The following GLIS3 variants were observed in gnomAD, a reference collection of about 807,000 sequenced individuals.
The protein encoded by GLIS3 is GLIS family zinc finger 3, also known as zinc finger protein GLIS3.
In GLIS3, 53 loss-of-function variants were observed where a neutral mutation model predicts 78.6. The ratio of observed to expected loss-of-function variants is 0.67; its 90% CI spans 0.54 to 0.85. The LOEUF is 0.85. Ranked by LOEUF, GLIS3 falls within the 40% of genes least tolerant of loss-of-function variation. The pLI is 0.00. For missense variants in GLIS3, 1,703 were observed against 1,231.1 expected, an observed-to-expected ratio of 1.38 and a Z score of -5.74; for synonymous variants, 684 against 509.9, an observed-to-expected ratio of 1.34 and a Z score of -4.60.
At chr9:4,353,021 G>C (rs541562722), upstream of GLIS3, among the ~76,000 whole-genome samples, 7 of 152,260 alleles carry the variant, frequency 4.6e-5, no homozygotes, top group South Asian at 1.5e-3. Context: ...GGTTTGGTTA[G>C]GAGATCAGTC....
At position 3,941,228 on chromosome 9, in the gene GLIS3, G is replaced by C. The variant is rs111553628; in HGVS notation, c.1711-4039C>G. Among the ~76,000 whole-genome samples, 760 of 152,226 alleles carry C rather than the reference G, an allele frequency of 5.0e-3. 7 individuals are homozygous for C. Among genetic ancestry groups the C allele is most frequent in the African/African-American group, 0.018 (734 of 41,538 alleles). On this transcript the variant is annotated intron_variant, in intron 4 of 10. Coordinates refer to ENST00000381971, the MANE Select transcript of GLIS3 (RefSeq NM_001042413.2). ...ATCTACCCATTTCTAATTCAGACAA[G>C]GGTCACATGGACTAGCAACCATCCT...
In GLIS3 at chr9:4,081,879, G is replaced by C. The variant is rs565288157; in HGVS notation, c.1710+35889C>G. Reference sequence around the variant, plus strand: ...CTAATGGTAAATTGTTCTCCTTTTTGTATTCTCAAACTTGAAAATGAAGGC... The same window carrying C: ...CTAATGGTAAATTGTTCTCCTTTTTCTATTCTCAAACTTGAAAATGAAGGC... On this transcript the variant is annotated intron_variant, in intron 4 of 10. Coordinates refer to ENST00000381971, the MANE Select transcript of GLIS3 (RefSeq NM_001042413.2). Among the ~76,000 whole-genome samples, 12 of 152,162 alleles carry C rather than the reference G, an allele frequency of 7.9e-5. No individual in the cohort carries two copies. The East Asian group carries it at 9.6e-4, about 12-fold the overall frequency.
At chr9:4,480,197 TTTC>T in the GLIS3 span, among the ~76,000 whole-genome samples, 16 of 136,892 alleles carry the variant, frequency 1.2e-4, no homozygotes, top group African/African-American at 5.1e-4. Flanking sequence ...CAGGCTGGGC[TTTC>T]TTTTTTTTTT....
chr9:4,172,115 C>T (rs1455600429), intron 2 of GLIS3, among the ~76,000 whole-genome samples: 1 of 152,086 alleles, frequency 6.6e-6, no homozygotes, highest in African/African-American at 2.4e-5. Flanking sequence ...AGCTCTGCCT[C>T]CAAATGCTAA....
intron 4 of GLIS3, among the ~76,000 whole-genome samples, chr9:3,950,642 T>C (rs190413844): frequency 5.4e-4 from 83 of 152,372 alleles, no homozygotes; most frequent in Non-Finnish European, 8.8e-4. Flanking sequence ...AGAAAAGCAT[T>C]CTCTGTCCCA....
At chr9:4,134,425 A>T (rs898389307) in intron 2 of GLIS3, among the ~76,000 whole-genome samples, 3 of 152,180 alleles carry the variant, frequency 2.0e-5, no homozygotes, top group Non-Finnish European at 4.4e-5. Flanking sequence ...TGCATGGGAA[A>T]TGGTGGCTGG....
At position 3,836,374 on chromosome 9, in the gene GLIS3, A is replaced by C. The variant is rs371876085; in HGVS notation, c.2474-6882T>G. On this transcript the variant is annotated intron_variant, in intron 9 of 10. Coordinates refer to ENST00000381971, the MANE Select transcript of GLIS3 (RefSeq NM_001042413.2). The stretch of plus-strand genomic sequence containing the variant: ...CTATAATTTTGTGGGTTACTACTTT[A>C]GGAAGTGTAGCGATTTTGGCCCCAG... Among the ~76,000 whole-genome samples, 6 of 152,348 alleles carry C rather than the reference A, an allele frequency of 3.9e-5. No individual in the cohort carries two copies. The South Asian group carries it at 6.2e-4, about 16-fold the overall frequency.
chr9:4,163,733 T>G (rs1835680484), intron 2 of GLIS3, among the ~76,000 whole-genome samples: 1 of 152,250 alleles, frequency 6.6e-6, no homozygotes, highest in Admixed American at 6.5e-5. Flanking sequence ...TAGTATTTAG[T>G]ATCTCACAGG....
At chr9:4,265,346 C>T (rs1350688511) in intron 2 of GLIS3, among the ~76,000 whole-genome samples, 3 of 150,134 alleles carry the variant, frequency 2.0e-5, no homozygotes, top group East Asian at 1.9e-4. Context: ...CATAATGTAT[C>T]GCCTTATTTA....
intron 2 of GLIS3, among the ~76,000 whole-genome samples, chr9:4,190,424 G>A (rs553484030): frequency 1.3e-5 from 2 of 150,392 alleles, no homozygotes; most frequent in South Asian, 2.2e-4. Context: ...CTGGAAGAAA[G>A]GGTATCAGTG....
In GLIS3 at chr9:4,125,826, T is replaced by C; in HGVS notation, c.504A>G (p.Ala168=). The change falls in exon 3 of 11, where the codon GCA becomes GCG. Residue 168 remains alanine, a synonymous_variant. Transcript: ENST00000381971. ...GGTTGCATGCTGTAGAGACCTGGCT[T>C]GCTGGAGGTGAAATGAGTCCCAGTC... The part of the protein sequence containing the change: ...VQRLGLISPP[A]SQVSTACNQI... 1 of 1,614,116 alleles carries C rather than the reference T, an allele frequency of 6.2e-7. No individual in the cohort carries two copies. The highest frequency in any genetic ancestry group is 1.1e-5 in the South Asian group (1 of 91,074).
At chr9:3,848,121 C>T (rs943343827) in intron 9 of GLIS3, among the ~76,000 whole-genome samples, 2 of 152,186 alleles carry the variant, frequency 1.3e-5, no homozygotes, top group Admixed American at 6.5e-5. Context: ...TCTTGACTTA[C>T]TGCTTTATTA....
chr9:4,359,573 C>G, the GLIS3 span, among the ~76,000 whole-genome samples: 1 of 152,140 alleles, frequency 6.6e-6, no homozygotes, highest in Non-Finnish European at 1.5e-5. Flanking sequence ...AACAGACCCA[C>G]TAAATGTTTT....
intron 4 of GLIS3, among the ~76,000 whole-genome samples, chr9:4,037,293 C>G (rs1383547256): frequency 6.6e-6 from 1 of 152,188 alleles, no homozygotes; most frequent in African/African-American, 2.4e-5. Flanking sequence ...CATTCTAATT[C>G]TGTCACTTCC....
chr9:4,092,908 C>A (rs186914212), intron 4 of GLIS3, among the ~76,000 whole-genome samples: 1 of 152,294 alleles, frequency 6.6e-6, no homozygotes, highest in African/African-American at 2.4e-5. Flanking sequence ...ATACAACTGG[C>A]AGTGACATAG....
At chr9:4,242,752 G>T (rs944108055) in intron 2 of GLIS3, among the ~76,000 whole-genome samples, 3 of 151,966 alleles carry the variant, frequency 2.0e-5, no homozygotes, top group Admixed American at 1.3e-4. Context: ...AGATTCAGAA[G>T]ATTTTGCAAA....
intron 4 of GLIS3, among the ~76,000 whole-genome samples, chr9:3,980,102 G>A (rs925701322): frequency 6.6e-6 from 1 of 152,178 alleles, no homozygotes; most frequent in Non-Finnish European, 1.5e-5. Flanking sequence ...GTTTCTTTGA[G>A]CAGTGGACTT....
At chr9:3,887,266 C>T (rs1822143263) in intron 7 of GLIS3, among the ~76,000 whole-genome samples, 1 of 152,118 alleles carries the variant, frequency 6.6e-6, no homozygotes, top group African/African-American at 2.4e-5. Flanking sequence ...GACATGCTAC[C>T]ACAAGCTAAT....
intron 4 of GLIS3, among the ~76,000 whole-genome samples, chr9:4,084,283 ACAC>A (rs1564025048): frequency 2.2e-5 from 3 of 138,468 alleles, no homozygotes; most frequent in African/African-American, 7.6e-5. Context: ...ACACACACAC[ACAC>A]ACACACACAA....
Sources: allele counts gnomAD v4.1 joint callset (sites outside exome capture counted in the v4.1 genomes callset), GRCh38; gene constraint gnomAD v4.1.1; transcripts MANE v1.5; gene names NCBI Gene and HGNC (gene_info 2026-07-23, HGNC 2026-07-21).